VGLL4: variants seen among roughly 807,000 people sequenced by gnomAD.
VGLL4 encodes the protein transcription cofactor vestigial-like protein 4.
VGLL4 carries 7 observed loss-of-function variants against 21.0 expected under a neutral mutation model. The ratio of observed to expected loss-of-function variants is 0.33; its 90% CI spans 0.19 to 0.63. VGLL4 has a LOEUF of 0.63. VGLL4 is among the 20% of genes least tolerant of loss of function. VGLL4 has a pLI of 0.78. For missense variants in VGLL4, 394 were observed against 425.7 expected, an observed-to-expected ratio of 0.93 and a Z score of 0.66; for synonymous variants, 222 against 173.2, an observed-to-expected ratio of 1.28 and a Z score of -2.21.
chr3:11,666,453 A>C (rs1359486864), intron 2 of VGLL4, among the ~76,000 whole-genome samples: 1 of 152,198 alleles, frequency 6.6e-6, no homozygotes, highest in African/African-American at 2.4e-5. Context: ...CTCCAGCACC[A>C]GCGTGGAGAA....
chr3:11,581,416 C>T (rs1273715425), intron 2 of VGLL4, among the ~76,000 whole-genome samples: 1 of 152,092 alleles, frequency 6.6e-6, no homozygotes, highest in East Asian at 1.9e-4. Flanking sequence ...AATGATGAAA[C>T]TAAAACCCGG....
intron 3 of VGLL4, 142 bp downstream of exon 3, chr3:11,564,655 G>T: frequency 1.2e-6 from 1 of 826,018 alleles, no homozygotes; most frequent in Non-Finnish European, 1.8e-6. Flanking sequence ...CAGAGGCGAA[G>T]GGTGGCATCC....
At chr3:11,655,376 C>A (rs1389226522) in intron 2 of VGLL4, among the ~76,000 whole-genome samples, 1 of 152,156 alleles carries the variant, frequency 6.6e-6, no homozygotes, top group Non-Finnish European at 1.5e-5. Context: ...GTTAGTTGCT[C>A]GTGGGCAGGA....
intron 2 of VGLL4, among the ~76,000 whole-genome samples, chr3:11,696,042 C>T (rs529770349): frequency 3.9e-5 from 6 of 152,240 alleles, no homozygotes; most frequent in South Asian, 2.1e-4. Context: ...CAGACATAGG[C>T]GACAAAACAA....
At chr3:11,598,614 C>A (rs139940580) in intron 2 of VGLL4, among the ~76,000 whole-genome samples, 1 of 151,980 alleles carries the variant, frequency 6.6e-6, no homozygotes, top group Non-Finnish European at 1.5e-5. Flanking sequence ...CTCAGCCTCC[C>A]AAGTAGCTGG....
chr3:11,558,477 T>G lies in VGLL4; in HGVS notation c.*79A>C. ...CTTCCCCCCACCCCACCCCCATGAT[T>G]TTTTTTTTTTTAAGTACTGACTGTT... On this transcript the variant is annotated 3_prime_UTR_variant, in exon 5 of 5. Transcript: ENST00000430365. The G allele has an allele frequency of 3.0e-6, 4 of 1,350,826 alleles. No homozygotes were observed. The highest frequency in any genetic ancestry group is 3.9e-6 in the Non-Finnish European group (4 of 1,020,824). The allele number at this position is 1,350,826 out of a possible 1,614,324, so 83.7% of individuals were successfully genotyped here.
chr3:11,656,025 C>T (rs961885347), intron 2 of VGLL4, among the ~76,000 whole-genome samples: 13 of 152,168 alleles, frequency 8.5e-5, no homozygotes, highest in East Asian at 1.9e-4. Flanking sequence ...AAAGAAGGAG[C>T]GAACTGAAGA....
At chr3:11,573,257 A>G (rs59283264) in intron 2 of VGLL4, among the ~76,000 whole-genome samples, 890 of 9,086 alleles carry the variant, frequency 0.098, 54 homozygotes, top group South Asian at 0.14. Context: ...GAAAGAAAGA[A>G]AGAAAGAAAG....
chr3:11,572,017 G>A (rs1309644222), intron 2 of VGLL4, among the ~76,000 whole-genome samples: 1 of 152,186 alleles, frequency 6.6e-6, no homozygotes, highest in Non-Finnish European at 1.5e-5. Context: ...TGAGGTGGGA[G>A]GATCACCTGA....
Position 11,568,817 on chromosome 3 carries a change from G to T in VGLL4, c.273-3798C>A, listed in dbSNP as rs888810912. On this transcript the variant is annotated intron_variant, in intron 2 of 4. Transcript: ENST00000430365. This position sits in a 1 kb window ranked among gnomAD's most constrained non-coding sequence, Gnocchi z 5.9. ...CCGAGAGAGCCCACGGCATCCCCGC[G>T]AACACCCAAAGGACTCTGAGTGGCT... 1.4e-6 allele frequency: 2 copies of T among 1,427,900 alleles called. No homozygotes were observed. The highest frequency in any genetic ancestry group is 1.8e-6 in the Non-Finnish European group (2 of 1,094,896). 88.5% of individuals were successfully genotyped at this position (1,427,900 alleles called of 1,614,324 possible).
At chr3:11,589,663 A>G (rs900243198) in intron 2 of VGLL4, among the ~76,000 whole-genome samples, 22 of 152,190 alleles carry the variant, frequency 1.4e-4, no homozygotes, top group Non-Finnish European at 2.4e-4. Context: ...ACTTAAACAG[A>G]CGTTTGTTTT....
intron 2 of VGLL4, among the ~76,000 whole-genome samples, chr3:11,676,716 A>G (rs1378894352): frequency 6.6e-6 from 1 of 152,060 alleles, no homozygotes; most frequent in Non-Finnish European, 1.5e-5. Context: ...TATTTTATTC[A>G]GCAATCTTCC....
intron 2 of VGLL4, among the ~76,000 whole-genome samples, chr3:11,581,063 C>CTTT (rs373891384): frequency 2.7e-4 from 28 of 104,106 alleles, no homozygotes; most frequent in African/African-American, 1.0e-3. Flanking sequence ...TCTGCAACTC[C>CTTT]TTTTTTTTTT....
At chr3:11,566,942 G>A (rs1337564955) in intron 2 of VGLL4, among the ~76,000 whole-genome samples, 1 of 152,190 alleles carries the variant, frequency 6.6e-6, no homozygotes, top group Non-Finnish European at 1.5e-5. Flanking sequence ...CAGGTATCGT[G>A]GAGTGGAACT....
At chr3:11,703,165 G>T in intron 1 of VGLL4, 1 of 855,268 alleles carries the variant, frequency 1.2e-6, no homozygotes, top group Non-Finnish European at 1.7e-6. Context: ...TTCTAAGGAT[G>T]AAATTCTTCC....
intron 2 of VGLL4, among the ~76,000 whole-genome samples, chr3:11,594,603 C>T (rs2074587410): frequency 6.6e-6 from 1 of 152,174 alleles, no homozygotes; most frequent in African/African-American, 2.4e-5. Context: ...CTCTCACAAC[C>T]GATATGAATT....
In VGLL4 at chr3:11,696,064, C is replaced by T. The variant is rs752612468; in HGVS notation, c.64+6907G>A. ...AGGCGACAAAACAACAACTGCATTT[C>T]CCGTTTGGGCTTTCCTGATGAAATT... On this transcript the variant is annotated intron_variant, in intron 2 of 5. Coordinates refer to the VGLL4 transcript ENST00000273038. Among the ~76,000 whole-genome samples, 3 of 152,188 alleles carry T rather than the reference C, an allele frequency of 2.0e-5. No homozygotes were observed. The East Asian group carries it at 5.8e-4, about 29-fold the overall frequency.
upstream of VGLL4, among the ~76,000 whole-genome samples, chr3:11,647,882 C>T (rs2075815675): frequency 1.3e-5 from 2 of 152,096 alleles, no homozygotes; most frequent in Admixed American, 1.3e-4. Flanking sequence ...TTATCTTACT[C>T]GATGTCATTA....
intron 2 of VGLL4, among the ~76,000 whole-genome samples, chr3:11,595,281 A>G (rs921707387): frequency 1.3e-5 from 2 of 152,170 alleles, no homozygotes; most frequent in African/African-American, 2.4e-5. Context: ...CAAAACCACA[A>G]TGAGATACCA....
Sources: allele counts gnomAD v4.1 joint callset (sites outside exome capture counted in the v4.1 genomes callset), GRCh38; gene constraint gnomAD v4.1.1; non-coding constraint Gnocchi (gnomAD v3.1); transcripts MANE v1.5; gene names NCBI Gene and HGNC (gene_info 2026-07-23, HGNC 2026-07-21).